The following DLG1 variants were observed in gnomAD, a reference collection of about 807,000 sequenced individuals.
The protein encoded by DLG1 is disks large homolog 1.
Under a neutral mutation model 123.4 loss-of-function variants are expected in DLG1, and 42 were observed. The ratio of observed to expected loss-of-function variants is 0.34; its 90% CI spans 0.27 to 0.44. The LOEUF (loss-of-function observed/expected upper bound fraction) is 0.44. Ranked by LOEUF, DLG1 falls within the 20% of genes least tolerant of loss-of-function variation. The pLI is 1.00. For synonymous variants in DLG1, 317 were observed against 356.2 expected (o/e 0.89, Z 1.24); for missense variants, 942 against 1,082.6 (o/e 0.87, Z 1.82).
chr3:197,130,577 G>A lies in DLG1; in HGVS notation c.1115C>T (p.Pro372Leu). The change falls in exon 11 of 25, where the codon CCC (proline) becomes CTC (leucine). Residue 372 changes from proline to leucine, a missense_variant. Transcript: ENST00000667157. ...SDFVYLKVAKPTSMYMNDGYA... is the reference protein window; with the variant it reads ...SDFVYLKVAKLTSMYMNDGYA... ...GCCATCATTCATATACATACTTGTG[G>A]GTTTTGCCACTTTCAAATAAACAAA... 1 of 1,612,526 alleles carries A rather than the reference G, an allele frequency of 6.2e-7. No individual in the cohort carries two copies. The highest frequency in any genetic ancestry group is 1.7e-5 in the Admixed American group (1 of 59,932).
rs910470562 is a variant in DLG1 at position 197,233,376 on chromosome 3, G to A, written c.319-38787C>T. 4.6e-5 allele frequency among the ~76,000 whole-genome samples: 7 copies of A among 152,126 alleles called. 1 individual carries two copies. Among genetic ancestry groups the A allele is most frequent in the African/African-American group, 1.7e-4 (7 of 41,438 alleles). On this transcript the variant is annotated intron_variant, in intron 4 of 24. Coordinates refer to ENST00000667157, the MANE Select transcript of DLG1 (RefSeq NM_001366207.1). ...CATTTTTCAACTACTTCTATTGGAA[G>A]GTTTTTTAAAAACTTAAATTCTTTT...
At chr3:197,222,423 A>T (rs553173301) in intron 4 of DLG1, among the ~76,000 whole-genome samples, 1 of 152,314 alleles carries the variant, frequency 6.6e-6, no homozygotes, top group African/African-American at 2.4e-5. Context: ...CCATTTGTTT[A>T]AAGTCATTGT....
intron 5 of DLG1, among the ~76,000 whole-genome samples, chr3:197,154,537 T>C (rs550543592): frequency 6.6e-6 from 1 of 151,766 alleles, no homozygotes; most frequent in East Asian, 1.9e-4. Context: ...TAGCCGGGCG[T>C]GGCGGCAGGT....
At chr3:197,100,395 G>A (rs558631726) in intron 14 of DLG1, among the ~76,000 whole-genome samples, 7 of 151,668 alleles carry the variant, frequency 4.6e-5, no homozygotes, top group Non-Finnish European at 8.8e-5. Context: ...TGCAAAATAG[G>A]GATTATGCCA....
At chr3:197,100,586 T>C (rs1022081728) in intron 14 of DLG1, among the ~76,000 whole-genome samples, 1 of 152,194 alleles carries the variant, frequency 6.6e-6, no homozygotes, top group Non-Finnish European at 1.5e-5. Flanking sequence ...CTCTGAAAGT[T>C]GGCCTAATAC....
chr3:197,296,681 A>G, intron 2 of DLG1: 1 of 475,842 alleles, frequency 2.1e-6, no homozygotes, highest in East Asian at 3.2e-5. Flanking sequence ...AAATTTAAAC[A>G]TATATCACAT....
chr3:197,119,368 T>C (rs762660096), intron 12 of DLG1, 42 bp downstream of exon 12: 2 of 1,506,918 alleles, frequency 1.3e-6, no homozygotes, highest in East Asian at 2.4e-5. Flanking sequence ...TTCAATTTAA[T>C]AGTTGATTTT....
At chr3:197,212,228 A>G (rs73086587) in intron 4 of DLG1, among the ~76,000 whole-genome samples, 1,657 of 146,460 alleles carry the variant, frequency 0.011, 68 homozygotes, top group African/African-American at 0.038. Flanking sequence ...TTAAAAAACA[A>G]ACAAAAAACC....
chr3:197,273,849 C>CAAAAAAAAAAAAA (rs58880007), intron 4 of DLG1, among the ~76,000 whole-genome samples: 16 of 48,692 alleles, frequency 3.3e-4, no homozygotes, highest in East Asian at 2.3e-3. Flanking sequence ...TAATAGCTAC[C>CAAAAAAAAAAAAA]AAAAAAAAAA....
intron 11 of DLG1, among the ~76,000 whole-genome samples, 167 bp from the exon 12 acceptor site, chr3:197,119,697 A>G (rs1435335050): frequency 1.3e-5 from 2 of 152,160 alleles, no homozygotes; most frequent in Admixed American, 6.5e-5. Context: ...TGCCCAGGTT[A>G]GTCTCAAACT....
intron 22 of DLG1, among the ~76,000 whole-genome samples, chr3:197,063,250 C>T (rs1234459765): frequency 6.7e-6 from 1 of 150,084 alleles, no homozygotes; most frequent in Non-Finnish European, 1.5e-5. Context: ...TATCATTTTG[C>T]TTTTCCCCCA....
intron 10 of DLG1, among the ~76,000 whole-genome samples, chr3:197,134,117 T>C (rs1783964300): frequency 6.6e-6 from 1 of 152,074 alleles, no homozygotes; most frequent in South Asian, 2.1e-4. Flanking sequence ...TGTGTGTGAG[T>C]GATGAGTGAT....
intron 18 of DLG1, 198 bp from the exon 19 acceptor site, chr3:197,069,458 T>C: frequency 2.5e-6 from 1 of 401,846 alleles, no homozygotes; most frequent in Non-Finnish European, 4.4e-6. Context: ...TTAAGGACAA[T>C]GCCTTATTTT....
chr3:197,266,158 G>GC (rs1761589999), intron 4 of DLG1, among the ~76,000 whole-genome samples: 1 of 151,866 alleles, frequency 6.6e-6, no homozygotes, highest in Admixed American at 6.6e-5. Context: ...AAATATCTAG[G>GC]CCCCCAAAAG....
chr3:197,156,032 T>G (rs945376020), intron 5 of DLG1, among the ~76,000 whole-genome samples: 12 of 152,200 alleles, frequency 7.9e-5, no homozygotes, highest in Non-Finnish European at 1.6e-4. Context: ...GTTTAAAAGC[T>G]AACATTATAA....
chr3:197,203,513 T>C (rs1726938919), intron 4 of DLG1, among the ~76,000 whole-genome samples: 1 of 151,950 alleles, frequency 6.6e-6, no homozygotes, highest in African/African-American at 2.4e-5. Flanking sequence ...GTAATTATAT[T>C]TACCCCCAAA....
At chr3:197,152,611 A>C (rs533900703) in intron 5 of DLG1, among the ~76,000 whole-genome samples, 12 of 151,790 alleles carry the variant, frequency 7.9e-5, no homozygotes, top group African/African-American at 2.4e-4. Context: ...AAATACAAAA[A>C]AATTAGCTGG....
intron 18 of DLG1, among the ~76,000 whole-genome samples, chr3:197,072,192 T>A (rs1377987843): frequency 1.3e-5 from 2 of 151,876 alleles, no homozygotes; most frequent in Non-Finnish European, 2.9e-5. Flanking sequence ...TTTACCACGG[T>A]TTTTTTTATT....
chr3:197,081,892 A>G (rs755625537), intron 16 of DLG1, among the ~76,000 whole-genome samples: 5 of 152,194 alleles, frequency 3.3e-5, no homozygotes, highest in Non-Finnish European at 5.9e-5. Context: ...CACTAATGTA[A>G]ATCTTGCAAA....
Sources: allele counts gnomAD v4.1 joint callset (sites outside exome capture counted in the v4.1 genomes callset), GRCh38; gene constraint gnomAD v4.1.1; transcripts MANE v1.5; gene names NCBI Gene and HGNC (gene_info 2026-07-23, HGNC 2026-07-21).